Variants in SLC25A26 observed in about 807,000 individuals in gnomAD.
SLC25A26 encodes solute carrier family 25 member 26.
In SLC25A26, 36 loss-of-function variants were observed where a neutral mutation model predicts 37.8. That is an observed-to-expected ratio of 0.95 (90% CI 0.73 to 1.26). The LOEUF is 1.26. SLC25A26 is among the 50% of genes most tolerant of loss of function. The pLI is 0.00. For missense variants in SLC25A26, 390 were observed against 331.1 expected, an observed-to-expected ratio of 1.18 and a Z score of -1.38; for synonymous variants, 129 against 122.5, an observed-to-expected ratio of 1.05 and a Z score of -0.35.
At chr3:66,253,564 G>T (rs1458499843) in intron 3 of SLC25A26, among the ~76,000 whole-genome samples, 7 of 152,122 alleles carry the variant, frequency 4.6e-5, no homozygotes, top group Non-Finnish European at 1.0e-4. Context: ...ACCAAGGAGT[G>T]CAGGGGAGCC....
intron 1 of SLC25A26, among the ~76,000 whole-genome samples, chr3:66,192,104 C>T (rs2070954146): frequency 6.6e-6 from 1 of 151,872 alleles, no homozygotes; most frequent in East Asian, 1.9e-4. Context: ...ATCACGAGGT[C>T]AGGAGTTCGA....
intron 3 of SLC25A26, among the ~76,000 whole-genome samples, chr3:66,258,676 T>C (rs970663824): frequency 6.6e-6 from 1 of 152,078 alleles, no homozygotes; most frequent in Non-Finnish European, 1.5e-5. Context: ...ACATCCATGG[T>C]ATTTAGATTT....
At chr3:66,312,221 T>G (rs2075399358) in intron 5 of SLC25A26, among the ~76,000 whole-genome samples, 1 of 152,186 alleles carries the variant, frequency 6.6e-6, no homozygotes, top group African/African-American at 2.4e-5. Context: ...GCAGTCTGGC[T>G]ACTGTGGCTT....
In SLC25A26 at chr3:66,352,439, TTTG is replaced by T. The variant is rs1559729918; in HGVS notation, c.498+6034_498+6036del. On this transcript the variant is annotated intron_variant, in intron 6 of 9. Transcript: ENST00000354883. Reference sequence around the variant, plus strand: ...TCCCCTCGTTTTTTGTTTTTTGTTTTTTGTTTTTTTTTTTGAGATGTACCAAGG... The same window carrying T: ...TCCCCTCGTTTTTTGTTTTTTGTTTTTTTTTTTTTTTGAGATGTACCAAGG... 3.4e-4 allele frequency among the ~76,000 whole-genome samples: 47 copies of T among 137,634 alleles called. 3 individuals carry two copies. Among genetic ancestry groups the T allele is most frequent in the African/African-American group, 1.2e-3 (43 of 36,054 alleles). The allele number at this position is 137,634 out of a possible 152,430, so 90.3% of individuals were successfully genotyped here.
chr3:66,356,138 A>C lies in SLC25A26; in HGVS notation c.499-6722A>C, dbSNP rs2076570404. On this transcript the variant is annotated intron_variant, in intron 6 of 9. Transcript: ENST00000354883. ...AGTTATTTTCAGTGTGTTATTCATA[A>C]GACAGTAGTGCTTATTTGGGTGGGT... 3.1e-5 allele frequency: 14 copies of C among 454,690 alleles called. No homozygotes were observed. In the Middle Eastern group the frequency reaches 2.9e-3, roughly 95 times the overall value. 28.2% of individuals were successfully genotyped at this position (454,690 alleles called of 1,614,324 possible).
At chr3:66,254,822 G>C (rs1475577364) in intron 3 of SLC25A26, among the ~76,000 whole-genome samples, 1 of 152,202 alleles carries the variant, frequency 6.6e-6, no homozygotes, top group African/African-American at 2.4e-5. Context: ...GAGTTTCTTG[G>C]AGAAAAATCT....
At chr3:66,317,526 G>C (rs1347134472) in intron 5 of SLC25A26, among the ~76,000 whole-genome samples, 2 of 152,186 alleles carry the variant, frequency 1.3e-5, no homozygotes, top group African/African-American at 4.8e-5. Context: ...CCTGATGCTG[G>C]ATAGAATGCC....
At position 66,333,647 on chromosome 3, in the gene SLC25A26, A is replaced by C. The variant is rs1193537385; in HGVS notation, c.454-12717A>C. Reference sequence around the variant, plus strand: ...GTTGTTGTGTTTTCTTGGTCAGCTTATTAGGACCCAGGTCTGATTTTGGCC... The same window carrying C: ...GTTGTTGTGTTTTCTTGGTCAGCTTCTTAGGACCCAGGTCTGATTTTGGCC... On this transcript the variant is annotated intron_variant, in intron 5 of 9. Coordinates refer to ENST00000354883, the MANE Select transcript of SLC25A26 (RefSeq NM_001379210.1). 1.3e-5 allele frequency among the ~76,000 whole-genome samples: 2 copies of C among 151,972 alleles called. 1 individual carries two copies. The highest frequency in any genetic ancestry group is 4.8e-5 in the African/African-American group (2 of 41,340).
intron 5 of SLC25A26, among the ~76,000 whole-genome samples, chr3:66,299,331 T>G (rs1446209942): frequency 6.6e-6 from 1 of 152,154 alleles, no homozygotes; most frequent in Non-Finnish European, 1.5e-5. Context: ...TAGCTGGGAC[T>G]ACAGATGTGT....
At chr3:66,248,071 A>G (rs1025366730) in intron 3 of SLC25A26, among the ~76,000 whole-genome samples, 2 of 152,254 alleles carry the variant, frequency 1.3e-5, no homozygotes, top group African/African-American at 2.4e-5. Context: ...GTTAGAAACA[A>G]TAACATATTT....
intron 6 of SLC25A26, among the ~76,000 whole-genome samples, chr3:66,358,029 C>A (rs956373135): frequency 6.6e-6 from 1 of 152,096 alleles, no homozygotes; most frequent in African/African-American, 2.4e-5. Flanking sequence ...GTCAGTAAAT[C>A]CCAACTAATA....
At chr3:66,259,408 G>GC (rs2073434050) in intron 3 of SLC25A26, among the ~76,000 whole-genome samples, 1 of 152,072 alleles carries the variant, frequency 6.6e-6, no homozygotes, top group Non-Finnish European at 1.5e-5. Flanking sequence ...ACTGGACATA[G>GC]CCCCTTACCT....
chr3:66,291,228 GTGGTCTATTT>G (rs1350274989), intron 5 of SLC25A26, among the ~76,000 whole-genome samples: 5 of 152,052 alleles, frequency 3.3e-5, no homozygotes, highest in Admixed American at 3.3e-4. Flanking sequence ...TGTCTGGCTA[GTGGTCTATTT>G]TGTTAACCTT....
At chr3:66,195,293 T>C (rs2071026734) in intron 1 of SLC25A26, among the ~76,000 whole-genome samples, 1 of 152,212 alleles carries the variant, frequency 6.6e-6, no homozygotes, top group African/African-American at 2.4e-5. Context: ...TGCTGATCTT[T>C]GGGGGAAAAG....
chr3:66,311,779 C>T (rs1033285878), intron 5 of SLC25A26, among the ~76,000 whole-genome samples: 12 of 152,108 alleles, frequency 7.9e-5, no homozygotes, highest in African/African-American at 2.9e-4. Flanking sequence ...GTTTGCTGGA[C>T]GTTCATTTCA....
intron 5 of SLC25A26, among the ~76,000 whole-genome samples, chr3:66,289,640 G>A (rs1347042780): frequency 2.6e-5 from 4 of 152,036 alleles, no homozygotes; most frequent in Admixed American, 6.6e-5. Flanking sequence ...GATGTGTGGC[G>A]TTATTTCTGA....
At chr3:66,221,244 A>G in intron 1 of SLC25A26, 117 bp downstream of exon 1, 1 of 1,144,762 alleles carries the variant, frequency 8.7e-7, no homozygotes, top group Non-Finnish European at 1.2e-6. Flanking sequence ...TCCTCGGGTT[A>G]CTGGCAGCCA....
intron 3 of SLC25A26, among the ~76,000 whole-genome samples, chr3:66,254,389 C>G (rs2073219489): frequency 1.3e-5 from 2 of 152,190 alleles, no homozygotes; most frequent in Admixed American, 6.5e-5. Context: ...AATTGCATTT[C>G]AAAAATCTTC....
intron 3 of SLC25A26, among the ~76,000 whole-genome samples, chr3:66,259,441 C>T (rs2073435568): frequency 6.6e-6 from 1 of 152,142 alleles, no homozygotes. Flanking sequence ...TCAACTCAGC[C>T]TTGCCTAGTC....
Sources: gnomAD v4.1 joint callset for allele counts (sites outside exome capture counted in the v4.1 genomes callset) on GRCh38, gnomAD v4.1.1 for gene constraint, MANE v1.5 for transcripts, NCBI Gene and HGNC (gene_info 2026-07-23, HGNC 2026-07-21) for gene names.